ROBO2: variants seen among roughly 807,000 people sequenced by gnomAD.
ROBO2 encodes the protein roundabout guidance receptor 2.
ROBO2 carries 53 observed loss-of-function variants against 160.8 expected under a neutral mutation model. That is an observed-to-expected ratio of 0.33 (90% confidence interval 0.26 to 0.41). The LOEUF is 0.41. Ranked by LOEUF, ROBO2 falls within the 10% of genes least tolerant of loss-of-function variation. ROBO2 has a pLI of 1.00. For synonymous variants in ROBO2, 664 were observed against 611.7 expected, an observed-to-expected ratio of 1.09 and a Z score of -1.26; for missense variants, 1,577 against 1,722.4, an observed-to-expected ratio of 0.92 and a Z score of 1.49.
intron 14 of ROBO2, among the ~76,000 whole-genome samples, chr3:77,577,082 G>A (rs754973465): frequency 3.9e-5 from 6 of 151,914 alleles, no homozygotes; most frequent in East Asian, 3.9e-4. Flanking sequence ...GACATACACC[G>A]GCTCAAATTC....
chr3:77,228,172 T>C (rs1442102459), intron 2 of ROBO2, among the ~76,000 whole-genome samples: 1 of 152,144 alleles, frequency 6.6e-6, no homozygotes, highest in Non-Finnish European at 1.5e-5. Flanking sequence ...TTTTTATTTT[T>C]GTTTCTTTTT....
intron 2 of ROBO2, among the ~76,000 whole-genome samples, chr3:76,348,688 C>G (rs140340639): frequency 1.3e-5 from 2 of 152,178 alleles, no homozygotes; most frequent in Non-Finnish European, 2.9e-5. Context: ...TGTGCTATAT[C>G]TGCTTCTCCA....
intron 2 of ROBO2, among the ~76,000 whole-genome samples, chr3:76,473,392 T>G (rs965320081): frequency 3.3e-5 from 5 of 152,158 alleles, no homozygotes; most frequent in Non-Finnish European, 5.9e-5. Context: ...ACATGATTAT[T>G]TAACAAATTA....
At chr3:76,978,071 A>G (rs2059897764) in intron 2 of ROBO2, among the ~76,000 whole-genome samples, 1 of 152,200 alleles carries the variant, frequency 6.6e-6, no homozygotes, top group African/African-American at 2.4e-5. Flanking sequence ...TCTGCATTAT[A>G]TATGTCCCTG....
intron 1 of ROBO2, among the ~76,000 whole-genome samples, chr3:77,097,618 GCTAT>G (rs2150070648): frequency 6.6e-6 from 1 of 152,216 alleles, no homozygotes; most frequent in East Asian, 1.9e-4. Context: ...CACATTAAAT[GCTAT>G]CTATGTGTGT....
intron 2 of ROBO2, among the ~76,000 whole-genome samples, chr3:76,994,100 TTTG>T (rs781295916): frequency 5.7e-5 from 6 of 105,170 alleles, no homozygotes; most frequent in East Asian, 5.3e-4. Context: ...GTTTTTTTTT[TTTG>T]TTGTTTTAAA....
intron 2 of ROBO2, among the ~76,000 whole-genome samples, chr3:77,251,587 C>T (rs1041300024): frequency 2.6e-5 from 4 of 152,150 alleles, no homozygotes; most frequent in African/African-American, 9.7e-5. Flanking sequence ...GGTTGCTTAG[C>T]CACACCCTTA....
intron 2 of ROBO2, among the ~76,000 whole-genome samples, chr3:76,185,024 C>T (rs1559621431): frequency 6.6e-6 from 1 of 151,446 alleles, no homozygotes; most frequent in Non-Finnish European, 1.5e-5. Flanking sequence ...CAGACATACC[C>T]CCAGATAATG....
chr3:76,246,030 G>A (rs1487551679), intron 2 of ROBO2, among the ~76,000 whole-genome samples: 1 of 152,020 alleles, frequency 6.6e-6, no homozygotes, highest in Non-Finnish European at 1.5e-5. Flanking sequence ...TTTTCCATGT[G>A]TGTTATGTAT....
At chr3:76,622,241 A>AGAAAGAAAGAAG (rs2089201487) in intron 2 of ROBO2, among the ~76,000 whole-genome samples, 2 of 37,460 alleles carry the variant, frequency 5.3e-5, no homozygotes, top group Non-Finnish European at 1.0e-4. Context: ...GAAGGAAGAA[A>AGAAAGAAAGAAG]GAAAGAAAGA....
At chr3:76,704,046 G>T (rs1301399257) in intron 2 of ROBO2, among the ~76,000 whole-genome samples, 2 of 148,838 alleles carry the variant, frequency 1.3e-5, no homozygotes, top group South Asian at 2.1e-4. Flanking sequence ...CTATGTCTTT[G>T]TACATCATTA....
At chr3:77,351,854 A>G (rs950105596) in intron 2 of ROBO2, among the ~76,000 whole-genome samples, 2 of 151,426 alleles carry the variant, frequency 1.3e-5, no homozygotes, top group East Asian at 2.0e-4. Flanking sequence ...AGGACAAAAA[A>G]CCAAACACCT....
intron 2 of ROBO2, among the ~76,000 whole-genome samples, chr3:76,135,962 C>A (rs202225910): frequency 6.6e-6 from 1 of 151,822 alleles, no homozygotes. Flanking sequence ...TATTATTTAC[C>A]AAAAAAAATC....
chr3:76,029,289 G>C (rs547357029), intron 2 of ROBO2, among the ~76,000 whole-genome samples: 1 of 151,966 alleles, frequency 6.6e-6, no homozygotes, highest in East Asian at 1.9e-4. Flanking sequence ...TGTTTAATAA[G>C]TGTTCAGAAA....
chr3:76,762,333 T>TA (rs1418190981), intron 2 of ROBO2, among the ~76,000 whole-genome samples: 3 of 151,548 alleles, frequency 2.0e-5, no homozygotes, highest in Non-Finnish European at 3.0e-5. Flanking sequence ...CAAATTTGTA[T>TA]AAAAAATACA....
intron 2 of ROBO2, among the ~76,000 whole-genome samples, chr3:76,203,225 A>G (rs1702625192): frequency 1.3e-5 from 2 of 152,192 alleles, no homozygotes; most frequent in African/African-American, 4.8e-5. Context: ...TACGGACTCC[A>G]TCAATGGCCT....
chr3:76,202,847 G>A (rs1702601961), intron 2 of ROBO2, among the ~76,000 whole-genome samples: 1 of 151,092 alleles, frequency 6.6e-6, no homozygotes, highest in South Asian at 2.1e-4. Context: ...CACATATTCT[G>A]CCCAAAAGTC....
At chr3:76,102,987 A>G (rs962772460) in intron 2 of ROBO2, among the ~76,000 whole-genome samples, 2 of 151,796 alleles carry the variant, frequency 1.3e-5, no homozygotes, top group Non-Finnish European at 2.9e-5. Context: ...CCACGCCTGG[A>G]TAATTTTTTG....
intron 2 of ROBO2, among the ~76,000 whole-genome samples, chr3:76,982,685 TATTA>T (rs1288297210): frequency 6.6e-6 from 1 of 151,550 alleles, no homozygotes; most frequent in African/African-American, 2.4e-5. Flanking sequence ...GGTTGTATCT[TATTA>T]ATTTATACCT....
Sources: allele counts gnomAD v4.1 joint callset (sites outside exome capture counted in the v4.1 genomes callset), GRCh38; gene constraint gnomAD v4.1.1; transcripts MANE v1.5; gene names NCBI Gene and HGNC (gene_info 2026-07-23, HGNC 2026-07-21).